CFAP92: variants seen among roughly 807,000 people sequenced by gnomAD.
CFAP92 encodes uncharacterized protein CFAP92.
Under a neutral mutation model 106.3 loss-of-function variants are expected in CFAP92, and 86 were observed. That is an observed-to-expected ratio of 0.81 (90% CI 0.68 to 0.97). The LOEUF is 0.97. CFAP92 is among the 50% of genes least tolerant of loss of function. The probability of loss-of-function intolerance (pLI) is 0.00; values close to 1 mark genes in which losing one functional copy is unlikely to be tolerated. For missense variants in CFAP92, 1,204 were observed against 1,283.8 expected, an observed-to-expected ratio of 0.94 and a Z score of 0.95; for synonymous variants, 477 against 506.4, an observed-to-expected ratio of 0.94 and a Z score of 0.78.
chr3:129,018,008 C>T, the CFAP92 span, among the ~76,000 whole-genome samples: 1 of 152,134 alleles, frequency 6.6e-6, no homozygotes, highest in Non-Finnish European at 1.5e-5. Flanking sequence ...AAATAACAGC[C>T]CTCCCTCCTG....
At chr3:128,937,962 G>C (rs1939218728) in intron 10 of CFAP92, among the ~76,000 whole-genome samples, 2 of 151,998 alleles carry the variant, frequency 1.3e-5, no homozygotes, top group Admixed American at 1.3e-4. Context: ...TACTATGGAG[G>C]TTGAGGCAGG....
chr3:128,910,473 C>T lies in CFAP92; in HGVS notation c.3281-140G>A. The T allele has an allele frequency of 3.5e-6, 3 of 863,654 alleles. No individual in the cohort carries two copies. The South Asian group carries it at 5.1e-5, about 15-fold the overall frequency. The allele number at this position is 863,654 out of a possible 1,614,324, so 53.5% of individuals were successfully genotyped here. A position where few individuals can be genotyped will look rare whatever the true frequency, so the allele number is the denominator to read the frequency against. Reference sequence around the variant, plus strand: ...GAGGACCCACTGTATACCAGGATCTCTGCCTGCACTTTCCAGAGCACCTGC... The same window carrying T: ...GAGGACCCACTGTATACCAGGATCTTTGCCTGCACTTTCCAGAGCACCTGC... On this transcript the variant is annotated intron_variant, in intron 15 of 15. Transcript: ENST00000645291.
At chr3:128,983,627 A>G (rs947327487) in intron 4 of CFAP92, among the ~76,000 whole-genome samples, 2 of 152,212 alleles carry the variant, frequency 1.3e-5, no homozygotes, top group African/African-American at 4.8e-5. Flanking sequence ...GCTACAAGAA[A>G]GAAGTGGAAA....
chr3:128,946,635 G>A (rs1940246475), intron 9 of CFAP92, among the ~76,000 whole-genome samples: 1 of 152,150 alleles, frequency 6.6e-6, no homozygotes, highest in Non-Finnish European at 1.5e-5. Flanking sequence ...TATTTTACAC[G>A]GAAGCTGAGA....
chr3:129,022,053 C>G, the CFAP92 span, among the ~76,000 whole-genome samples: 1 of 152,192 alleles, frequency 6.6e-6, no homozygotes, highest in Non-Finnish European at 1.5e-5. Flanking sequence ...TCACAGCACC[C>G]AGAACTCACC....
At chr3:128,963,050 G>A (rs866904431) in intron 9 of CFAP92, among the ~76,000 whole-genome samples, 1 of 152,248 alleles carries the variant, frequency 6.6e-6, no homozygotes, top group South Asian at 2.1e-4. Context: ...CAAATTACCT[G>A]GGCTGTACTG....
chr3:128,987,898 GC>G, intron 3 of CFAP92, 69 bp from the exon 4 acceptor site: 1 of 1,301,790 alleles, frequency 7.7e-7, no homozygotes, highest in Non-Finnish European at 1.1e-6. Flanking sequence ...AACAGAGCAA[GC>G]CCCAGCCCCA....
At chr3:128,925,531 A>C (rs933450146) in intron 12 of CFAP92, among the ~76,000 whole-genome samples, 1 of 152,240 alleles carries the variant, frequency 6.6e-6, no homozygotes, top group Admixed American at 6.5e-5. Context: ...AGACTGTAAA[A>C]TAAAAAGTAT....
the CFAP92 span, among the ~76,000 whole-genome samples, chr3:129,009,935 A>G: frequency 4.6e-4 from 70 of 152,280 alleles, no homozygotes; most frequent in African/African-American, 1.6e-3. Context: ...GTGGACAGAA[A>G]AAGATTGTTA....
At chr3:128,915,086 G>A (rs1352032213) in intron 15 of CFAP92, 33 bp downstream of exon 15, 5 of 1,529,618 alleles carry the variant, frequency 3.3e-6, no homozygotes, top group Non-Finnish European at 4.4e-6. Flanking sequence ...CACGGCATCA[G>A]GAGGCCCAGC....
intron 9 of CFAP92, among the ~76,000 whole-genome samples, chr3:128,956,220 A>AT (rs1941399970): frequency 1.1e-5 from 1 of 88,816 alleles, no homozygotes; most frequent in African/African-American, 1.2e-4. Context: ...AAAAATAAAA[A>AT]AAAAAAAAGA....
intron 10 of CFAP92, among the ~76,000 whole-genome samples, chr3:128,939,853 C>G (rs1414714268): frequency 1.3e-5 from 2 of 152,182 alleles, no homozygotes; most frequent in Non-Finnish European, 2.9e-5. Context: ...TGTTCCCGCT[C>G]CTATGAGAAT....
intron 12 of CFAP92, among the ~76,000 whole-genome samples, chr3:128,924,923 G>A (rs565558333): frequency 1.3e-5 from 2 of 152,256 alleles, no homozygotes; most frequent in South Asian, 4.1e-4. Flanking sequence ...CCAATAAATA[G>A]TGCAGGCTTC....
chr3:128,984,995 G>T (rs529683085), intron 4 of CFAP92, among the ~76,000 whole-genome samples: 2 of 152,172 alleles, frequency 1.3e-5, no homozygotes, highest in Admixed American at 6.5e-5. Flanking sequence ...GGCTATCTCT[G>T]GACAGGAATC....
intron 9 of CFAP92, among the ~76,000 whole-genome samples, chr3:128,947,150 C>A (rs1238710561): frequency 6.6e-6 from 1 of 151,840 alleles, no homozygotes; most frequent in Non-Finnish European, 1.5e-5. Context: ...GGTGTCCCCC[C>A]AGTGGCTCGG....
intron 9 of CFAP92, among the ~76,000 whole-genome samples, chr3:128,949,402 C>A (rs545171254): frequency 1.3e-5 from 2 of 152,208 alleles, no homozygotes; most frequent in East Asian, 3.8e-4. Flanking sequence ...CCGATAGATG[C>A]GGCCACTTGA....
intron 10 of CFAP92, among the ~76,000 whole-genome samples, chr3:128,944,754 T>C (rs1159867743): frequency 2.0e-5 from 3 of 152,174 alleles, no homozygotes; most frequent in Non-Finnish European, 4.4e-5. Flanking sequence ...TGATCTTCCC[T>C]GGGGCAAGGT....
At chr3:128,960,354 C>T (rs1941798098) in intron 9 of CFAP92, among the ~76,000 whole-genome samples, 1 of 152,222 alleles carries the variant, frequency 6.6e-6, no homozygotes, top group Non-Finnish European at 1.5e-5. Context: ...GACCTCAGGT[C>T]CTCAGACCGA....
chr3:128,945,247 A>G lies in CFAP92; in HGVS notation c.2082T>C (p.Pro694=). ...ACAGGATCTGCTGCAGGGTCCTGAC[A>G]GGGTAGGAGTCCAGGCCGAGGGCCT... The part of the protein sequence containing the change: ...NAKALGLDSY[P]VRTLQQILSA... The change falls in exon 10 of 16, where the codon CCT becomes CCC. Residue 694 remains proline, a synonymous_variant. Coordinates refer to ENST00000645291, the MANE Select transcript of CFAP92 (RefSeq NM_001394090.1). The G allele has an allele frequency of 1.3e-6, 2 of 1,536,132 alleles. No individual in the cohort carries two copies. Among genetic ancestry groups the G allele is most frequent in the Non-Finnish European group, 1.7e-6 (2 of 1,146,914 alleles).
Sources: allele counts gnomAD v4.1 joint callset (sites outside exome capture counted in the v4.1 genomes callset), GRCh38; gene constraint gnomAD v4.1.1; transcripts MANE v1.5; gene names NCBI Gene and HGNC (gene_info 2026-07-23, HGNC 2026-07-21).